The following ZMYM2 variants were observed in gnomAD, a reference collection of about 807,000 sequenced individuals.
The protein encoded by ZMYM2 is zinc finger MYM-type containing 2.
Under a neutral mutation model 162.8 loss-of-function variants are expected in ZMYM2, and 56 were observed. The ratio of observed to expected loss-of-function variants is 0.34; its 90% CI spans 0.28 to 0.43. ZMYM2 has a LOEUF of 0.43. Ranked by LOEUF, ZMYM2 falls within the 20% of genes least tolerant of loss-of-function variation. The pLI, the probability that ZMYM2 is intolerant of heterozygous loss-of-function variation, is 1.00. For missense variants in ZMYM2, 1,275 were observed against 1,621.8 expected, an observed-to-expected ratio of 0.79 and a Z score of 3.67; for synonymous variants, 510 against 541.6, an observed-to-expected ratio of 0.94 and a Z score of 0.81.
chr13:19,968,623 C>T (rs775001368), intron 2 of ZMYM2, among the ~76,000 whole-genome samples: 3 of 152,174 alleles, frequency 2.0e-5, no homozygotes, highest in Non-Finnish European at 4.4e-5. Context: ...TTAGCTCTTA[C>T]TATGCTTTTA....
chr13:19,928,887 C>T, the ZMYM2 span, among the ~76,000 whole-genome samples: 1 of 152,112 alleles, frequency 6.6e-6, no homozygotes, highest in Non-Finnish European at 1.5e-5. Flanking sequence ...TCAGGCGTTC[C>T]ACCCACCTCG....
the ZMYM2 span, among the ~76,000 whole-genome samples, chr13:19,895,062 G>C: frequency 8.6e-6 from 1 of 115,686 alleles, no homozygotes; most frequent in Admixed American, 1.2e-4. Flanking sequence ...GGGCGAAAGA[G>C]CGAAACTCCA....
chr13:19,977,463 T>G (rs1369869494), intron 2 of ZMYM2, among the ~76,000 whole-genome samples: 1 of 152,134 alleles, frequency 6.6e-6, no homozygotes, highest in African/African-American at 2.4e-5. Flanking sequence ...TTTTGCTGTT[T>G]TCTGCATGTC....
chr13:20,067,925 T>C (rs1193637574), intron 21 of ZMYM2, among the ~76,000 whole-genome samples: 1 of 152,210 alleles, frequency 6.6e-6, no homozygotes, highest in Non-Finnish European at 1.5e-5. Flanking sequence ...ACATTCTATG[T>C]ATTTTGAAAT....
chr13:19,866,328 T>C, the ZMYM2 span, among the ~76,000 whole-genome samples: 5 of 152,180 alleles, frequency 3.3e-5, no homozygotes, highest in Admixed American at 2.0e-4. Flanking sequence ...CTTGTAAATT[T>C]TGCCTGTCAT....
the ZMYM2 span, among the ~76,000 whole-genome samples, chr13:19,890,813 G>A: frequency 3.3e-5 from 5 of 151,444 alleles, no homozygotes; most frequent in African/African-American, 7.3e-5. Flanking sequence ...CGGAGCTTGC[G>A]GTGAGCCGAG....
chr13:19,878,815 T>G, the ZMYM2 span, among the ~76,000 whole-genome samples: 2 of 152,282 alleles, frequency 1.3e-5, no homozygotes, highest in South Asian at 2.1e-4. Flanking sequence ...GCCCAGCCCT[T>G]TGCCCATTTT....
intron 6 of ZMYM2, among the ~76,000 whole-genome samples, chr13:20,007,786 A>G (rs868230951): frequency 2.0e-5 from 3 of 151,314 alleles, no homozygotes; most frequent in African/African-American, 7.3e-5. Context: ...ACGCTGAGCT[A>G]ATTTTTGTGT....
chr13:19,866,466 G>C, the ZMYM2 span, among the ~76,000 whole-genome samples: 1 of 152,042 alleles, frequency 6.6e-6, no homozygotes, highest in African/African-American at 2.4e-5. Context: ...AGGAGTTTGA[G>C]ACCAGCTTGA....
chr13:19,959,399 T>C (rs574301769), intron 1 of ZMYM2, among the ~76,000 whole-genome samples: 1 of 152,164 alleles, frequency 6.6e-6, no homozygotes, highest in South Asian at 2.1e-4. Flanking sequence ...GCTCTTCTTT[T>C]CCTCGGCGCT....
the ZMYM2 span, among the ~76,000 whole-genome samples, chr13:19,885,855 AAAAAAAAATATATATATGTATAT>A: frequency 4.9e-5 from 2 of 40,570 alleles, 1 homozygote; most frequent in African/African-American, 9.2e-5. Context: ...CTCAAAAAAA[AAAAAAAAATATATATATGTATAT>A]ACACATATAT....
chr13:20,064,344 C>A, intron 18 of ZMYM2, 107 bp from the exon 19 acceptor site: 1 of 850,814 alleles, frequency 1.2e-6, no homozygotes, highest in Non-Finnish European at 1.7e-6. Context: ...CTAGATTGTC[C>A]CCATGTATGA....
intron 12 of ZMYM2, among the ~76,000 whole-genome samples, chr13:20,049,042 C>T (rs1321053607): frequency 6.6e-6 from 1 of 151,728 alleles, no homozygotes; most frequent in Non-Finnish European, 1.5e-5. Flanking sequence ...TTAAATTGGC[C>T]ACCATATTTT....
At chr13:20,043,926 C>T (rs939216639) in intron 12 of ZMYM2, among the ~76,000 whole-genome samples, 5 of 152,064 alleles carry the variant, frequency 3.3e-5, no homozygotes, top group South Asian at 2.1e-4. Context: ...GGTCAAGTTC[C>T]GTCTGCCAGG....
In ZMYM2 at chr13:20,002,676, T is replaced by G. The variant is rs80339645; in HGVS notation, c.848-174T>G. On this transcript the variant is annotated intron_variant, in intron 3 of 24. Transcript: ENST00000610343. ...TATTTTAAAGAATGTAGTGCATTGT[T>G]ACCGTGACATTCTTACTCCAAAACT... 2.6e-5 allele frequency among the ~76,000 whole-genome samples: 4 copies of G among 152,316 alleles called. No homozygotes were observed. The East Asian group carries it at 7.7e-4, about 29-fold the overall frequency.
chr13:19,973,727 A>G (rs1257282266), intron 2 of ZMYM2, among the ~76,000 whole-genome samples: 1 of 151,770 alleles, frequency 6.6e-6, no homozygotes, highest in Non-Finnish European at 1.5e-5. Flanking sequence ...AAAAAACCCA[A>G]CACAATACCA....
the ZMYM2 span, among the ~76,000 whole-genome samples, chr13:19,948,204 T>G: frequency 6.6e-6 from 1 of 152,186 alleles, no homozygotes. Context: ...CTTACAAAAC[T>G]AAACATACTC....
At position 20,034,380 on chromosome 13, in the gene ZMYM2, G is replaced by A. The variant is rs759603248; in HGVS notation, c.2095G>A (p.Val699Ile). ...TLHETVNFSG[V>I]KRPFCSEGCK... Reference sequence around the variant, plus strand: ...TCATGAAACAGTAAATTTCTCTGGCGTTAAGAGACCTTTCTGTAGTGAAGG... The same window carrying A: ...TCATGAAACAGTAAATTTCTCTGGCATTAAGAGACCTTTCTGTAGTGAAGG... The change falls in exon 11 of 25, where the codon GTT becomes ATT. Residue 699 changes from valine (V) to isoleucine (I), a missense_variant. Val to Ile is a conservative substitution (Grantham distance 29). This residue lies in a region of ZMYM2 where 177 missense variants were observed against 228.0 expected (regional missense o/e 0.78). Coordinates refer to ENST00000610343, the MANE Select transcript of ZMYM2 (RefSeq NM_197968.4). 1.9e-5 allele frequency: 30 copies of A among 1,600,590 alleles called. No individual in the cohort carries two copies. Among genetic ancestry groups the A allele is most frequent in the African/African-American group, 2.7e-5 (2 of 74,094 alleles).
the ZMYM2 span, among the ~76,000 whole-genome samples, chr13:19,883,816 G>A: frequency 6.6e-6 from 1 of 152,152 alleles, no homozygotes; most frequent in East Asian, 1.9e-4. Flanking sequence ...GAGCGCACGG[G>A]CACGATCTCG....
Sources: gnomAD v4.1 joint callset for allele counts (sites outside exome capture counted in the v4.1 genomes callset) on GRCh38, gnomAD v4.1.1 for gene constraint, gnomAD v4.1.1 regional missense constraint, MANE v1.5 for transcripts, NCBI Gene and HGNC (gene_info 2026-07-23, HGNC 2026-07-21) for gene names.